The following CDK14 variants were observed in gnomAD, a reference collection of about 807,000 sequenced individuals.
The protein encoded by CDK14 is cyclin-dependent kinase 14.
A neutral mutation model predicts 60.7 loss-of-function variants in CDK14; 34 were observed. The ratio of observed to expected loss-of-function variants is 0.56; its 90% CI spans 0.43 to 0.75. The LOEUF (loss-of-function observed/expected upper bound fraction) is 0.75, where lower values mean the gene tolerates loss of function less well. CDK14 is among the 30% of genes least tolerant of loss of function. CDK14 has a pLI of 0.00. For missense variants in CDK14, 482 were observed against 564.1 expected (o/e 0.85, Z 1.47); for synonymous variants, 197 against 203.7 (o/e 0.97, Z 0.28).
intron 11 of CDK14, among the ~76,000 whole-genome samples, chr7:91,067,907 C>T (rs1004901741): frequency 1.3e-5 from 2 of 152,148 alleles, no homozygotes; most frequent in African/African-American, 2.4e-5. Context: ...TAATAGAATT[C>T]CTATTCATCC....
intron 8 of CDK14, among the ~76,000 whole-genome samples, chr7:90,937,212 A>G (rs10487995): frequency 0.076 from 11,573 of 152,236 alleles, 1,064 homozygotes; most frequent in East Asian, 0.47. Flanking sequence ...TATATGGTAA[A>G]CTGTAGAAAC....
chr7:90,610,647 C>A (rs1799521007), intron 2 of CDK14, among the ~76,000 whole-genome samples: 1 of 152,198 alleles, frequency 6.6e-6, no homozygotes, highest in Non-Finnish European at 1.5e-5. Context: ...GAGAAGGCTC[C>A]ATTCCAGGCC....
intron 1 of CDK14, among the ~76,000 whole-genome samples, chr7:90,602,859 T>C (rs1426059664): frequency 6.6e-6 from 1 of 152,236 alleles, no homozygotes; most frequent in East Asian, 1.9e-4. Flanking sequence ...TCCCTCAGCC[T>C]ACCTGCATCC....
At chr7:90,791,057 C>T (rs1359650023) in intron 5 of CDK14, among the ~76,000 whole-genome samples, 3 of 152,006 alleles carry the variant, frequency 2.0e-5, no homozygotes, top group Admixed American at 1.3e-4. Flanking sequence ...TTCTTTTCTT[C>T]CTTTGTTTCT....
chr7:90,822,519 C>T (rs542726503), intron 5 of CDK14, among the ~76,000 whole-genome samples: 1 of 152,240 alleles, frequency 6.6e-6, no homozygotes, highest in South Asian at 2.1e-4. Context: ...TTGGAGTTCA[C>T]TTCTTGTCCT....
chr7:90,692,348 G>A (rs1215169555), intron 2 of CDK14, among the ~76,000 whole-genome samples: 1 of 152,114 alleles, frequency 6.6e-6, no homozygotes, highest in East Asian at 1.9e-4. Flanking sequence ...AACTTTGGAT[G>A]GCTGTGTGTT....
chr7:91,007,452 T>A (rs1319913040), intron 10 of CDK14, among the ~76,000 whole-genome samples: 1 of 152,148 alleles, frequency 6.6e-6, no homozygotes, highest in Non-Finnish European at 1.5e-5. Context: ...GTTTTCCACA[T>A]CCCATGGAAA....
At chr7:91,046,003 C>A in intron 11 of CDK14, 43 bp downstream of exon 11, 1 of 1,281,404 alleles carries the variant, frequency 7.8e-7, no homozygotes, top group Non-Finnish European at 1.1e-6. Context: ...TTCCTATATG[C>A]AAAAGGTGAG....
intron 14 of CDK14, among the ~76,000 whole-genome samples, chr7:91,140,053 C>T (rs1800408923): frequency 6.6e-6 from 1 of 152,116 alleles, no homozygotes; most frequent in South Asian, 2.1e-4. Flanking sequence ...ATACCTCTCC[C>T]TGCAATTTTT....
chr7:91,064,125 G>T (rs749081808), intron 11 of CDK14, among the ~76,000 whole-genome samples: 1 of 152,196 alleles, frequency 6.6e-6, no homozygotes, highest in African/African-American at 2.4e-5. Context: ...ACTTAAAAAG[G>T]TAAGGCACTC....
chr7:90,758,476 G>A (rs1052430872), intron 4 of CDK14, among the ~76,000 whole-genome samples: 4 of 152,150 alleles, frequency 2.6e-5, no homozygotes, highest in African/African-American at 7.2e-5. Context: ...ATTTTAAAAT[G>A]TCTTTAATTC....
chr7:91,120,493 AT>A (rs1449966717), intron 14 of CDK14, among the ~76,000 whole-genome samples: 1 of 150,162 alleles, frequency 6.7e-6, no homozygotes, highest in African/African-American at 2.5e-5. Flanking sequence ...CAATACAAAT[AT>A]TTTTTCTATG....
chr7:90,789,911 G>A (rs1314933491), intron 4 of CDK14, among the ~76,000 whole-genome samples: 2 of 151,964 alleles, frequency 1.3e-5, no homozygotes, highest in Non-Finnish European at 2.9e-5. Flanking sequence ...CTTTTAATTG[G>A]CGCCAACACA....
Position 90,816,132 on chromosome 7 carries a change from C to G in CDK14, c.544+25480C>G, listed in dbSNP as rs971449624. 4.6e-5 allele frequency among the ~76,000 whole-genome samples: 7 copies of G among 152,308 alleles called. No homozygotes were observed. The South Asian group carries it at 1.4e-3, about 32-fold the overall frequency. Reference sequence around the variant, plus strand: ...TCTGAATGAAAAGAGTTAGAGATCACTGATGTGGTCATGGCAGACATGGGA... The same window carrying G: ...TCTGAATGAAAAGAGTTAGAGATCAGTGATGTGGTCATGGCAGACATGGGA... On this transcript the variant is annotated intron_variant, in intron 5 of 14. Transcript: ENST00000380050.
chr7:90,862,729 T>G (rs1209454900), intron 5 of CDK14, among the ~76,000 whole-genome samples: 1 of 152,172 alleles, frequency 6.6e-6, no homozygotes, highest in Admixed American at 6.5e-5. Flanking sequence ...ACCTATGGAA[T>G]GTATACCAAG....
chr7:90,779,257 A>G (rs999652111), intron 4 of CDK14, among the ~76,000 whole-genome samples: 1 of 152,164 alleles, frequency 6.6e-6, no homozygotes. Flanking sequence ...CGTCTCAAAA[A>G]AAGAAAAAAA....
chr7:91,175,540 C>A (rs1165564501), intron 14 of CDK14, among the ~76,000 whole-genome samples: 1 of 152,070 alleles, frequency 6.6e-6, no homozygotes, highest in Non-Finnish European at 1.5e-5. Context: ...CAAGACCCAT[C>A]AGTGTGCTGT....
intron 10 of CDK14, among the ~76,000 whole-genome samples, chr7:91,002,453 A>G (rs560138667): frequency 1.3e-5 from 2 of 152,198 alleles, no homozygotes; most frequent in East Asian, 1.9e-4. Flanking sequence ...TAGCTGTTTA[A>G]TTATTTTGAT....
rs1434433206 is a variant in CDK14 at position 90,863,270 on chromosome 7, G to A, written c.639+1G>A. 3 of 1,524,068 alleles carry A rather than the reference G, an allele frequency of 2.0e-6. No homozygotes were observed. The highest frequency in any genetic ancestry group is 2.7e-6 in the Non-Finnish European group (3 of 1,103,384). 94.4% of individuals were successfully genotyped at this position (1,524,068 alleles called of 1,614,324 possible). A position where few individuals can be genotyped will look rare whatever the true frequency, so the allele number is the denominator to read the frequency against. On this transcript the variant is annotated splice_donor_variant, in intron 6 of 14. Coordinates refer to ENST00000380050, the MANE Select transcript of CDK14 (RefSeq NM_001287135.2). LOFTEE classifies it high-confidence loss of function. Reference sequence around the variant, plus strand: ...GCTGACACTTGTGTTTGAATATGTGGTAAGTAAAATAAGACTTTTAAATTT... The same window carrying A: ...GCTGACACTTGTGTTTGAATATGTGATAAGTAAAATAAGACTTTTAAATTT...
Sources: gnomAD v4.1 joint callset for allele counts (sites outside exome capture counted in the v4.1 genomes callset) on GRCh38, gnomAD v4.1.1 for gene constraint, MANE v1.5 for transcripts, NCBI Gene and HGNC (gene_info 2026-07-23, HGNC 2026-07-21) for gene names.